The following CILP variants were observed in gnomAD, a reference collection of about 807,000 sequenced individuals.
CILP encodes the protein cartilage intermediate layer protein.
Under a neutral mutation model 82.5 loss-of-function variants are expected in CILP, and 75 were observed. That is an observed-to-expected ratio of 0.91 (90% CI 0.75 to 1.10). The LOEUF (loss-of-function observed/expected upper bound fraction) is 1.10. Ranked by LOEUF, CILP falls within the 50% of genes least tolerant of loss-of-function variation. The pLI is 0.00. For synonymous variants in CILP, 530 were observed against 580.3 expected, an observed-to-expected ratio of 0.91 and a Z score of 1.25; for missense variants, 1,479 against 1,530.8, an observed-to-expected ratio of 0.97 and a Z score of 0.56.
chr15:65,210,759 T>A (rs2140686015), intron 1 of CILP, among the ~76,000 whole-genome samples: 1 of 152,252 alleles, frequency 6.6e-6, no homozygotes, highest in Middle Eastern at 3.4e-3. Flanking sequence ...CTGAAAACAC[T>A]GGGATATTCC....
intron 8 of CILP, among the ~76,000 whole-genome samples, chr15:65,200,917 A>G (rs1023945510): frequency 6.6e-6 from 1 of 152,228 alleles, no homozygotes; most frequent in Non-Finnish European, 1.5e-5. Flanking sequence ...GTAGCCATCC[A>G]TGGTCACTCC....
In CILP at chr15:65,206,807, G is replaced by A. The variant is rs200262966; in HGVS notation, c.399C>T (p.Tyr133=). The change falls in exon 4 of 9, where the codon TAC becomes TAT. Residue 133 remains tyrosine, a synonymous_variant. Coordinates refer to ENST00000261883, the MANE Select transcript of CILP (RefSeq NM_003613.4). ...CTGGTGGGCAGAGGAAGCGTACGGT[G>A]TAATTAGAGCAGTTCTGGCCAGGCC... ...EQRPGQNCSN[Y]TVRFLCPPGS... is the part of the protein sequence containing the mutation. 5.6e-6 allele frequency: 9 copies of A among 1,613,704 alleles called. No homozygotes were observed. The highest frequency in any genetic ancestry group is 1.7e-5 in the Admixed American group (1 of 60,022).
chr15:65,197,384 C>T lies in CILP; in HGVS notation c.2902G>A (p.Val968Met), dbSNP rs2088382880. The T allele has an allele frequency of 6.2e-7, 1 of 1,614,274 alleles. No homozygotes were observed. The highest frequency in any genetic ancestry group is 8.5e-7 in the Non-Finnish European group (1 of 1,180,054). ...GTGCCCCCCATGTTGCGGGATCGCA[C>T]ATTCACTTCCAGTGGCCCCACAATC... ...VKIVGPLEVNVRSRNMGGTHR... is the reference protein window; with the variant it reads ...VKIVGPLEVNMRSRNMGGTHR... The change falls in exon 9 of 9, where the codon GTG (valine) becomes ATG (methionine). Residue 968 changes from valine (V) to methionine (M), a missense_variant. Physicochemically the swap from Val to Met is conservative, Grantham distance 21 (BLOSUM62 1). Transcript: ENST00000261883.
At position 65,199,108 on chromosome 15, in the gene CILP, G is replaced by A; in HGVS notation, c.1187-9C>T. On this transcript the variant is annotated splice_polypyrimidine_tract_variant and intron_variant, in intron 8 of 8. Coordinates refer to ENST00000261883, the MANE Select transcript of CILP (RefSeq NM_003613.4). ...AGGAGTCTCATCAGATGCTGTGTAG[G>A]GAAATGGTGTGGAAATTAAGATGTA... 6.4e-7 allele frequency: 1 copy of A among 1,561,064 alleles called. No homozygotes were observed. The highest frequency in any genetic ancestry group is 8.6e-7 in the Non-Finnish European group (1 of 1,159,020).
In CILP at chr15:65,197,620, C is replaced by G; in HGVS notation, c.2666G>C (p.Ser889Thr). The change falls in exon 9 of 9, where the codon AGC (serine) becomes ACC (threonine). Residue 889 changes from serine to threonine, a missense_variant. By Grantham distance (58) the Ser-to-Thr change is moderately conservative. Transcript: ENST00000261883. Reference protein sequence around the residue: ...AKPRPNSAEESNGPIYAFENL... With the variant: ...AKPRPNSAEETNGPIYAFENL... ...CTCAAAGGCATAGATGGGCCCATTG[C>G]TCTCCTCAGCTGAGTTGGGCCTTGG... The G allele has an allele frequency of 6.2e-7, 1 of 1,614,238 alleles. No homozygotes were observed. The highest frequency in any genetic ancestry group is 8.5e-7 in the Non-Finnish European group (1 of 1,180,054).
At chr15:65,204,643 A>G in intron 5 of CILP, 61 bp from the exon 6 acceptor site, 1 of 1,491,152 alleles carries the variant, frequency 6.7e-7, no homozygotes, top group Non-Finnish European at 9.0e-7. Context: ...CTTCAGCCAC[A>G]TCACAGATCA....
chr15:65,204,178 G>A, intron 6 of CILP, 90 bp downstream of exon 6: 1 of 1,249,550 alleles, frequency 8.0e-7, no homozygotes, highest in South Asian at 1.3e-5. Context: ...TTTACTCCAA[G>A]TTAGCTGGGA....
Position 65,203,460 on chromosome 15 carries a change from G to A in CILP, c.930C>T (p.Tyr310=). The change falls in exon 7 of 9, where the codon TAC becomes TAT. Residue 310 remains tyrosine (Y), a synonymous_variant. Transcript: ENST00000261883. ...CTTTTGTCTCAGGGTTCATCACCATGTATGGAGTCTCTGGGACAGAAAATG... is the reference window on the plus strand; with the variant it reads ...CTTTTGTCTCAGGGTTCATCACCATATATGGAGTCTCTGGGACAGAAAATG... The part of the protein sequence containing the change: ...KAEFVRAETP[Y]MVMNPETKAR... 1 of 1,612,278 alleles carries A rather than the reference G, an allele frequency of 6.2e-7. No homozygotes were observed. Among genetic ancestry groups the A allele is most frequent in the Non-Finnish European group, 8.5e-7 (1 of 1,179,704 alleles).
intron 2 of CILP, among the ~76,000 whole-genome samples, chr15:65,208,036 G>C (rs1280370012): frequency 1.3e-5 from 2 of 152,208 alleles, no homozygotes; most frequent in East Asian, 1.9e-4. Flanking sequence ...GACCTGGCTT[G>C]TAGTGCACAC....
At chr15:65,206,649 G>C in intron 4 of CILP, 133 bp downstream of exon 4, 2 of 996,514 alleles carry the variant, frequency 2.0e-6, no homozygotes, top group Non-Finnish European at 3.0e-6. Context: ...GTCACTACTT[G>C]TTATTATTAC....
Position 65,197,425 on chromosome 15 carries a change from C to T in CILP, c.2861G>A (p.Cys954Tyr). 1.2e-6 allele frequency: 2 copies of T among 1,614,260 alleles called. No individual in the cohort carries two copies. The highest frequency in any genetic ancestry group is 1.7e-6 in the Non-Finnish European group (2 of 1,180,048). ...CCCCACAATCTTCACCTTGATATAG[C>T]AGGCCCTGAATTCCATCGGCTTTGG... ...WWPKPMEFRA[C>Y]YIKVKIVGPL... The change falls in exon 9 of 9, where the codon TGC (cysteine) becomes TAC (tyrosine). Residue 954 changes from cysteine (C) to tyrosine (Y), a missense_variant. By Grantham distance (194) the Cys-to-Tyr change is radical. Transcript: ENST00000261883.
At position 65,206,996 on chromosome 15, in the gene CILP, G is replaced by C. The variant is rs756504341; in HGVS notation, c.210C>G (p.Asp70Glu). 2 of 1,613,898 alleles carry C rather than the reference G, an allele frequency of 1.2e-6. No individual in the cohort carries two copies. The highest frequency in any genetic ancestry group is 8.5e-7 in the Non-Finnish European group (1 of 1,180,028). ...AGCGAATGGCGTCCAGCCGCTCATA[G>C]TCGCCCTTCCCGCCTGGGTAGTCGA... ...FNIDYPGGKGDYERLDAIRFY... is the reference protein window; with the variant it reads ...FNIDYPGGKGEYERLDAIRFY... The change falls in exon 4 of 9, where the codon GAC becomes GAG. Residue 70 changes from aspartate (D) to glutamate (E), a missense_variant. Physicochemically the swap from Asp to Glu is conservative, Grantham distance 45 (BLOSUM62 2). Transcript: ENST00000261883.
At chr15:65,208,887 G>A (rs1238744436) in intron 2 of CILP, among the ~76,000 whole-genome samples, 3 of 152,154 alleles carry the variant, frequency 2.0e-5, no homozygotes, top group African/African-American at 7.2e-5. Context: ...GCAGCTGTCA[G>A]GGTGGAAAGA....
In CILP at chr15:65,206,643, C is replaced by G. The variant is rs1321248299; in HGVS notation, c.424+139G>C. On this transcript the variant is annotated intron_variant, in intron 4 of 8. Coordinates refer to ENST00000261883, the MANE Select transcript of CILP (RefSeq NM_003613.4). ...AGTCCAAGCATATGCATGTGTGTCA[C>G]TACTTGTTATTATTACAGAGTCCAA... The G allele has an allele frequency of 1.3e-5, 12 of 946,772 alleles. 1 individual carries two copies. The highest frequency in any genetic ancestry group is 1.9e-5 in the Non-Finnish European group (12 of 630,212). 58.6% of individuals were successfully genotyped at this position (946,772 alleles called of 1,614,324 possible). A position where few individuals can be genotyped will look rare whatever the true frequency, so the allele number is the denominator to read the frequency against.
At chr15:65,204,139 C>T in intron 6 of CILP, 129 bp downstream of exon 6, 3 of 754,120 alleles carry the variant, frequency 4.0e-6, no homozygotes, top group South Asian at 1.8e-5. Flanking sequence ...TAATATAGTG[C>T]CATGTGGGCC....
chr15:65,199,284 A>G (rs1333262438), intron 8 of CILP, among the ~76,000 whole-genome samples, 185 bp from the exon 9 acceptor site: 2 of 152,184 alleles, frequency 1.3e-5, no homozygotes, highest in Admixed American at 6.5e-5. Flanking sequence ...TATACCGGGA[A>G]ACAGAGTTGG....
chr15:65,204,005 C>T (rs1297798284), intron 6 of CILP, among the ~76,000 whole-genome samples: 2 of 152,224 alleles, frequency 1.3e-5, no homozygotes, highest in Non-Finnish European at 2.9e-5. Flanking sequence ...AGCACGAAGG[C>T]CCTGAGGCAG....
chr15:65,201,342 G>C (rs1013147619), intron 8 of CILP, among the ~76,000 whole-genome samples: 5 of 151,992 alleles, frequency 3.3e-5, no homozygotes. Flanking sequence ...TTATTTACAT[G>C]TCTTCACTCC....
intron 5 of CILP, 55 bp from the exon 6 acceptor site, chr15:65,204,637 A>G: frequency 6.5e-7 from 1 of 1,526,918 alleles, no homozygotes; most frequent in Non-Finnish European, 8.8e-7. Flanking sequence ...GCATTCCTTC[A>G]GCCACATCAC....
Sources: gnomAD v4.1 joint callset for allele counts (sites outside exome capture counted in the v4.1 genomes callset) on GRCh38, gnomAD v4.1.1 for gene constraint, MANE v1.5 for transcripts, NCBI Gene and HGNC (gene_info 2026-07-23, HGNC 2026-07-21) for gene names.